Variants in AGBL4 observed in about 807,000 individuals in gnomAD.
AGBL4 encodes the protein AGBL carboxypeptidase 4.
AGBL4 carries 58 observed loss-of-function variants against 66.4 expected under a neutral mutation model. The observed-to-expected ratio is 0.87, with a 90% confidence interval of 0.71 to 1.09. AGBL4 has a LOEUF of 1.09. Among genes scored for constraint, AGBL4 ranks in the 50% least tolerant of loss-of-function variants. AGBL4 has a pLI of 0.00. For synonymous variants in AGBL4, 234 were observed against 222.9 expected, an observed-to-expected ratio of 1.05 and a Z score of -0.44; for missense variants, 579 against 631.0, an observed-to-expected ratio of 0.92 and a Z score of 0.88.
intron 2 of AGBL4, among the ~76,000 whole-genome samples, chr1:49,833,066 C>T (rs1383667958): frequency 6.6e-6 from 1 of 152,016 alleles, no homozygotes. Context: ...GAAGTCCTTG[C>T]CCGTGCCTAT....
intron 4 of AGBL4, among the ~76,000 whole-genome samples, chr1:49,047,827 G>C (rs1644117137): frequency 6.6e-6 from 1 of 152,148 alleles, no homozygotes; most frequent in African/African-American, 2.4e-5. Flanking sequence ...ATCCAAGTGG[G>C]ATTATTAACC....
chr1:48,816,996 G>A (rs1362262228), intron 6 of AGBL4, among the ~76,000 whole-genome samples: 1 of 152,162 alleles, frequency 6.6e-6, no homozygotes, highest in Non-Finnish European at 1.5e-5. Flanking sequence ...AGTCATTTGA[G>A]GCTGAGGGAC....
chr1:49,756,856 C>T (rs531125425), intron 2 of AGBL4, among the ~76,000 whole-genome samples: 1 of 152,186 alleles, frequency 6.6e-6, no homozygotes, highest in South Asian at 2.1e-4. Context: ...TCAATTAAAC[C>T]TCTTTCCTTT....
chr1:49,940,807 T>G lies in AGBL4; in HGVS notation c.34+82956A>C, dbSNP rs562353550. Among the ~76,000 whole-genome samples, 3 of 151,868 alleles carry G rather than the reference T, an allele frequency of 2.0e-5. No homozygotes were observed. In the South Asian group the frequency reaches 6.2e-4, roughly 32 times the overall value. ...CATGGCACATGTATACATATGTAAC[T>G]AACCTGCACATTGTGCACATGTACC... On this transcript the variant is annotated intron_variant, in intron 1 of 13. Transcript: ENST00000371839.
intron 2 of AGBL4, among the ~76,000 whole-genome samples, chr1:49,840,351 AT>A (rs1165228174): frequency 1.3e-5 from 2 of 151,860 alleles, no homozygotes; most frequent in Non-Finnish European, 1.5e-5. Context: ...TTAAGTGGAT[AT>A]TTTTTTCTTT....
At chr1:49,358,009 A>T (rs1044870752) in intron 3 of AGBL4, among the ~76,000 whole-genome samples, 1 of 152,134 alleles carries the variant, frequency 6.6e-6, no homozygotes, top group African/African-American at 2.4e-5. Context: ...CCACTCCACC[A>T]CAATTAGTAC....
At chr1:49,240,217 A>G (rs1290909965) in intron 4 of AGBL4, among the ~76,000 whole-genome samples, 1 of 152,140 alleles carries the variant, frequency 6.6e-6, no homozygotes, top group African/African-American at 2.4e-5. Flanking sequence ...ATTTCATTCA[A>G]AGAATGTTAA....
chr1:49,813,858 G>A (rs777303860), intron 2 of AGBL4, among the ~76,000 whole-genome samples: 1 of 152,120 alleles, frequency 6.6e-6, no homozygotes, highest in South Asian at 2.1e-4. Context: ...ATCTTGAATT[G>A]TAGCTCCCAT....
intron 3 of AGBL4, among the ~76,000 whole-genome samples, chr1:49,314,514 G>C (rs1191196931): frequency 6.6e-6 from 1 of 151,992 alleles, no homozygotes; most frequent in Non-Finnish European, 1.5e-5. Flanking sequence ...AGTTTGCTGA[G>C]AATGATGGTT....
At chr1:49,325,722 A>G (rs1306925277) in intron 3 of AGBL4, among the ~76,000 whole-genome samples, 1 of 152,232 alleles carries the variant, frequency 6.6e-6, no homozygotes, top group East Asian at 1.9e-4. Flanking sequence ...TTCAATTGTA[A>G]TCCCCAATGT....
At chr1:48,665,207 T>C (rs1261719658) in intron 6 of AGBL4, among the ~76,000 whole-genome samples, 1 of 152,188 alleles carries the variant, frequency 6.6e-6, no homozygotes, top group East Asian at 1.9e-4. Context: ...AGCTCTGTGC[T>C]AGGCACCTTT....
At chr1:49,944,226 C>T (rs368256771) in intron 1 of AGBL4, among the ~76,000 whole-genome samples, 30 of 152,212 alleles carry the variant, frequency 2.0e-4, no homozygotes, top group African/African-American at 7.2e-4. Context: ...AGCGCCACCT[C>T]CTGACAGGAG....
At chr1:49,829,562 T>C (rs1301157118) in intron 2 of AGBL4, among the ~76,000 whole-genome samples, 2 of 152,190 alleles carry the variant, frequency 1.3e-5, no homozygotes, top group Non-Finnish European at 2.9e-5. Context: ...TAATGGTATA[T>C]AGTGACATTT....
chr1:49,748,602 G>C (rs1273042611), intron 2 of AGBL4, among the ~76,000 whole-genome samples: 1 of 152,164 alleles, frequency 6.6e-6, no homozygotes, highest in Non-Finnish European at 1.5e-5. Flanking sequence ...TTCCACAATG[G>C]TTGAACTAAT....
chr1:49,062,564 C>T (rs1187304722), intron 4 of AGBL4, among the ~76,000 whole-genome samples: 1 of 152,106 alleles, frequency 6.6e-6, no homozygotes, highest in Non-Finnish European at 1.5e-5. Context: ...GCAGAAGCAA[C>T]AGATACAGTT....
intron 1 of AGBL4, among the ~76,000 whole-genome samples, chr1:49,946,757 G>A (rs1014648499): frequency 6.6e-6 from 1 of 151,668 alleles, no homozygotes; most frequent in Non-Finnish European, 1.5e-5. Context: ...AAAGATAAAT[G>A]AAACAAAAAG....
At chr1:49,152,841 T>C (rs1257549777) in intron 4 of AGBL4, among the ~76,000 whole-genome samples, 2 of 152,150 alleles carry the variant, frequency 1.3e-5, no homozygotes, top group Non-Finnish European at 1.5e-5. Context: ...AAAAAATAAA[T>C]ATAATTCTGG....
chr1:49,021,128 G>A (rs1453718378), intron 5 of AGBL4, among the ~76,000 whole-genome samples: 7 of 152,240 alleles, frequency 4.6e-5, no homozygotes, highest in Admixed American at 2.6e-4. Context: ...GAAAGGATTC[G>A]GGCAGCATAG....
intron 3 of AGBL4, among the ~76,000 whole-genome samples, chr1:49,694,650 G>T: frequency 6.6e-6 from 1 of 152,118 alleles, no homozygotes; most frequent in East Asian, 1.9e-4. Context: ...AAACATTCAT[G>T]TTACTTGCAC....
Sources: gnomAD v4.1 joint callset for allele counts (sites outside exome capture counted in the v4.1 genomes callset) on GRCh38, gnomAD v4.1.1 for gene constraint, MANE v1.5 for transcripts, NCBI Gene and HGNC (gene_info 2026-07-23, HGNC 2026-07-21) for gene names.